Variants in MACROD1 observed in about 807,000 individuals in gnomAD.
MACROD1 encodes ADP-ribose glycohydrolase MACROD1.
In MACROD1, 31 loss-of-function variants were observed where a neutral mutation model predicts 41.4. The ratio of observed to expected loss-of-function variants is 0.75; its 90% confidence interval spans 0.56 to 1.01. MACROD1 has a LOEUF of 1.01. Among genes scored for constraint, MACROD1 ranks in the 50% least tolerant of loss-of-function variants. The pLI, the probability that MACROD1 is intolerant of heterozygous loss-of-function variation, is 0.00. For missense variants in MACROD1, 473 were observed against 460.0 expected (o/e 1.03, Z -0.26); for synonymous variants, 252 against 203.4 (o/e 1.24, Z -2.03).
chr11:64,028,913 C>A (rs1226685640), intron 3 of MACROD1, among the ~76,000 whole-genome samples: 4 of 152,172 alleles, frequency 2.6e-5, no homozygotes, highest in Non-Finnish European at 5.9e-5. Flanking sequence ...GCCCCTGGAG[C>A]ACCTAGGCCA....
intron 3 of MACROD1, among the ~76,000 whole-genome samples, chr11:64,046,533 G>A (rs1300079553): frequency 6.6e-6 from 1 of 152,206 alleles, no homozygotes; most frequent in Non-Finnish European, 1.5e-5. Flanking sequence ...TCAGCTTCAT[G>A]CACACTCCTG....
chr11:64,104,900 C>T (rs1944731935), intron 3 of MACROD1, among the ~76,000 whole-genome samples: 1 of 152,166 alleles, frequency 6.6e-6, no homozygotes, highest in South Asian at 2.1e-4. Context: ...GGAGAGGCTG[C>T]ACCGCCAAAA....
At chr11:64,147,584 G>A (rs1444406669) in intron 3 of MACROD1, among the ~76,000 whole-genome samples, 1 of 151,130 alleles carries the variant, frequency 6.6e-6, no homozygotes, top group East Asian at 1.9e-4. Flanking sequence ...CATCACGCCT[G>A]GCTAATTTTT....
At chr11:64,078,890 G>C (rs1390890170) in intron 3 of MACROD1, among the ~76,000 whole-genome samples, 1 of 152,236 alleles carries the variant, frequency 6.6e-6, no homozygotes, top group East Asian at 1.9e-4. Flanking sequence ...CGAGAACTCA[G>C]AGTGGGAGTT....
chr11:64,150,627 G>A (rs1269773173), intron 3 of MACROD1, among the ~76,000 whole-genome samples: 3 of 152,182 alleles, frequency 2.0e-5, no homozygotes, highest in South Asian at 2.1e-4. Flanking sequence ...CTTTCCTGGC[G>A]CCTTTGACCT....
intron 3 of MACROD1, among the ~76,000 whole-genome samples, chr11:64,104,629 A>G (rs1944726450): frequency 6.6e-6 from 1 of 152,054 alleles, no homozygotes; most frequent in South Asian, 2.1e-4. Flanking sequence ...GAGGGAGTCC[A>G]CAAGTCTATA....
rs1943394164 is a variant in MACROD1, at chr11:64,036,974, G to A, written c.518-21693C>T. 1.3e-5 allele frequency among the ~76,000 whole-genome samples: 2 copies of A among 152,216 alleles called. No homozygotes were observed. Among genetic ancestry groups the A allele is most frequent in the Non-Finnish European group, 2.9e-5 (2 of 68,032 alleles). ...AGCTCCCCGAGGAGGAGAAAGTTGT[G>A]GAACAGGGACACCAGGGAGCTGCCA... On this transcript the variant is annotated intron_variant, in intron 3 of 10. Coordinates refer to ENST00000255681, the MANE Select transcript of MACROD1 (RefSeq NM_014067.4). The surrounding 1 kb of genome is among the most constrained non-coding windows in gnomAD (Gnocchi z 5.6).
At chr11:64,164,596 C>A (rs1038036863) in intron 1 of MACROD1, among the ~76,000 whole-genome samples, 2 of 152,266 alleles carry the variant, frequency 1.3e-5, no homozygotes, top group Non-Finnish European at 2.9e-5. Context: ...GTGCTTTCTG[C>A]CGTCACTTTT....
At chr11:63,999,260 C>T in intron 8 of MACROD1, 71 bp downstream of exon 8, 1 of 1,516,978 alleles carries the variant, frequency 6.6e-7, no homozygotes, top group Non-Finnish European at 8.8e-7. Flanking sequence ...CCCTGACTCC[C>T]TGGGCGATGA....
rs1009294330 is a variant in MACROD1 at position 64,067,226 on chromosome 11, G to A, written c.518-51945C>T. ...ATGGCAGATGGGAGGGGTGGGGAGA[G>A]GCCTTGCATGGCACCCACTCCCACC... On this transcript the variant is annotated intron_variant, in intron 3 of 10. Transcript: ENST00000255681. This position sits in a 1 kb window ranked among gnomAD's most constrained non-coding sequence, Gnocchi z 4.6. 6.6e-6 allele frequency among the ~76,000 whole-genome samples: 1 copy of A among 152,066 alleles called. No individual in the cohort carries two copies. Among genetic ancestry groups the A allele is most frequent in the African/African-American group, 2.4e-5 (1 of 41,384 alleles).
chr11:64,069,443 A>C (rs1470433650), intron 3 of MACROD1, among the ~76,000 whole-genome samples: 2 of 151,944 alleles, frequency 1.3e-5, no homozygotes, highest in East Asian at 1.9e-4. Context: ...CTTGGAGCCC[A>C]CTCCCCAAGG....
At chr11:64,108,313 CAA>C (rs59331409) in intron 3 of MACROD1, among the ~76,000 whole-genome samples, 47 of 100,672 alleles carry the variant, frequency 4.7e-4, no homozygotes, top group Admixed American at 7.6e-4. Flanking sequence ...AACTCTGTCT[CAA>C]AAAAAAAAAA....
intron 3 of MACROD1, chr11:64,119,261 T>A (rs961016756): frequency 6.3e-6 from 1 of 157,484 alleles, no homozygotes; most frequent in African/African-American, 2.4e-5. Flanking sequence ...CAGGGGCTGC[T>A]GCTGTTCCTA....
chr11:64,099,812 G>A (rs774254917), intron 3 of MACROD1, among the ~76,000 whole-genome samples: 21 of 151,950 alleles, frequency 1.4e-4, no homozygotes, highest in Non-Finnish European at 2.4e-4. Context: ...TGGACGGATG[G>A]AGAGGTGAAT....
Position 63,999,375 on chromosome 11 carries a change from C to T in MACROD1, c.847G>A (p.Val283Met). 1.3e-6 allele frequency: 2 copies of T among 1,593,162 alleles called. No individual in the cohort carries two copies. The highest frequency in any genetic ancestry group is 1.7e-6 in the Non-Finnish European group (2 of 1,174,338). The change falls in exon 8 of 11, where the codon GTG becomes ATG. Residue 283 changes from valine (V) to methionine (M), a missense_variant. Val to Met is a conservative substitution (Grantham distance 21, BLOSUM62 1). Transcript: ENST00000255681. ...GYPCEAAAEIVLATLREWLEQ... is the reference protein window; with the variant it reads ...GYPCEAAAEIMLATLREWLEQ... The stretch of plus-strand genomic sequence containing the variant: ...AGCCACTCTCGCAGCGTGGCCAGCA[C>T]GATCTCGGCGGCCGCCTCACAGGGG...
Position 63,998,575 on chromosome 11 carries a change from T to C in MACROD1, c.*143A>G, listed in dbSNP as rs1942752846. On this transcript the variant is annotated 3_prime_UTR_variant, in exon 11 of 11. Coordinates refer to ENST00000255681, the MANE Select transcript of MACROD1 (RefSeq NM_014067.4). ...GTAGGAGCTGCCACAACGAGATCTTTATTAGGCTCCTCGGGGGCGGGGCGC... is the reference window on the plus strand; with the variant it reads ...GTAGGAGCTGCCACAACGAGATCTTCATTAGGCTCCTCGGGGGCGGGGCGC... The C allele has an allele frequency of 3.3e-6, 4 of 1,224,112 alleles. No individual in the cohort carries two copies. Among genetic ancestry groups the C allele is most frequent in the African/African-American group, 1.6e-5 (1 of 63,608 alleles). The allele number at this position is 1,224,112 out of a possible 1,614,324, so 75.8% of individuals were successfully genotyped here.
At chr11:64,007,206 G>A (rs886576067) in intron 4 of MACROD1, among the ~76,000 whole-genome samples, 6 of 152,314 alleles carry the variant, frequency 3.9e-5, no homozygotes, top group Middle Eastern at 3.4e-3. Context: ...CGGGGGCGAC[G>A]TGCCACGTGC....
chr11:64,092,875 G>A (rs1055055394), intron 3 of MACROD1, among the ~76,000 whole-genome samples: 1 of 152,372 alleles, frequency 6.6e-6, no homozygotes, highest in African/African-American at 2.4e-5. Flanking sequence ...ATGGGTAACC[G>A]CTGGAGTGAA....
chr11:64,165,868 C>A lies in MACROD1; in HGVS notation c.127G>T (p.Gly43Cys). 1 of 1,438,844 alleles carries A rather than the reference C, an allele frequency of 7.0e-7. No individual in the cohort carries two copies. 89.1% of individuals were successfully genotyped at this position (1,438,844 alleles called of 1,614,324 possible). ...GATRTRSSTC[G>C]PPAFLGVFGR... is the part of the protein sequence containing the mutation. ...AACACGCCCAGGAACGCCGGGGGAC[C>A]GCACGTGCTGCTGCGGGTCCTCGTG... Residue 43 changes from glycine (G) to cysteine (C), a missense_variant, in exon 1 of 11, where the codon GGT becomes TGT. By Grantham distance (159) the Gly-to-Cys change is radical. Transcript: ENST00000255681.
Sources: allele counts gnomAD v4.1 joint callset (sites outside exome capture counted in the v4.1 genomes callset), GRCh38; gene constraint gnomAD v4.1.1; non-coding constraint Gnocchi (gnomAD v3.1); transcripts MANE v1.5; gene names NCBI Gene and HGNC (gene_info 2026-07-23, HGNC 2026-07-21).